LDB1: variants seen among roughly 807,000 people sequenced by gnomAD.
LDB1 encodes the protein LIM domain binding 1.
Under a neutral mutation model 49.7 loss-of-function variants are expected in LDB1, and 6 were observed. The ratio of observed to expected loss-of-function variants is 0.12; its 90% CI spans 0.07 to 0.24. The LOEUF (loss-of-function observed/expected upper bound fraction) is 0.24. LDB1 is among the 10% of genes least tolerant of loss of function. The pLI is 1.00. For missense variants in LDB1, 341 were observed against 561.7 expected (o/e 0.61, Z 3.97); for synonymous variants, 233 against 202.0 (o/e 1.15, Z -1.30).
In LDB1 at chr10:102,110,016, C is replaced by G; in HGVS notation, c.553G>C (p.Glu185Gln). Reference protein sequence around the residue: ...QVCVEGRLYLEFMFDDMMRIK... With the variant: ...QVCVEGRLYLQFMFDDMMRIK... ...CGCATCATGTCGTCAAACATGAACT[C>G]CAGGTACAACCGGCCCTCCACACAC... Residue 185 changes from glutamate (E) to glutamine (Q), a missense_variant, in exon 7 of 11, where the codon GAG becomes CAG. Physicochemically the swap from Glu to Gln is conservative, Grantham distance 29 (BLOSUM62 2). This residue lies in a region of LDB1 where 233 missense variants were observed against 385.7 expected (regional missense o/e 0.60). Coordinates refer to ENST00000673968, the MANE Select transcript of LDB1 (RefSeq NM_001113407.3). 1 of 1,613,548 alleles carries G rather than the reference C, an allele frequency of 6.2e-7. No individual in the cohort carries two copies. The highest frequency in any genetic ancestry group is 8.5e-7 in the Non-Finnish European group (1 of 1,179,898).
upstream of LDB1, chr10:102,120,447 G>T: frequency 1.0e-6 from 1 of 962,706 alleles, no homozygotes; most frequent in Non-Finnish European, 1.2e-6. Flanking sequence ...CCCCCTCTCC[G>T]CCCTCGCGCT....
At position 102,117,341 on chromosome 10, in the gene LDB1, T is replaced by A. The variant is rs1314366357; in HGVS notation, c.25+2745A>T. ...CTCCTTTCTCTGCTCTGACCAGATTTACCCAGTTGCACAGGGGCAGAACAG... is the reference window on the plus strand; with the variant it reads ...CTCCTTTCTCTGCTCTGACCAGATTAACCCAGTTGCACAGGGGCAGAACAG... On this transcript the variant is annotated intron_variant, in intron 1 of 10. Transcript: ENST00000673968. The surrounding 1 kb of genome is among the most constrained non-coding windows in gnomAD (Gnocchi z 4.2). 6.6e-6 allele frequency among the ~76,000 whole-genome samples: 1 copy of A among 152,226 alleles called. No individual in the cohort carries two copies. The highest frequency in any genetic ancestry group is 1.5e-5 in the Non-Finnish European group (1 of 68,024).
rs543732402 is a variant in LDB1 at position 102,111,370 on chromosome 10, C to T, written c.128+64G>A. ...ATTATTGGGGGCAGGGGGCTACTCC[C>T]TCCCCTTTCCAGGCAGGATCCCACC... On this transcript the variant is annotated intron_variant, in intron 2 of 10. Coordinates refer to ENST00000673968, the MANE Select transcript of LDB1 (RefSeq NM_001113407.3). 2.5e-6 allele frequency: 4 copies of T among 1,597,316 alleles called. No homozygotes were observed. In the South Asian group the frequency reaches 4.4e-5, roughly 18 times the overall value.
chr10:102,120,013 G>A, intron 1 of LDB1, 73 bp downstream of exon 1: 2 of 1,246,146 alleles, frequency 1.6e-6, no homozygotes, highest in South Asian at 3.1e-5. Context: ...ACAAGTTCTC[G>A]CCAAACACGG....
intron 1 of LDB1, among the ~76,000 whole-genome samples, chr10:102,116,269 G>A (rs2068335709): frequency 6.6e-6 from 1 of 152,102 alleles, no homozygotes; most frequent in South Asian, 2.1e-4. Flanking sequence ...GCAACCTCCA[G>A]CTCCTGGGTT....
intron 6 of LDB1, 102 bp from the exon 7 acceptor site, chr10:102,110,145 C>T (rs1429823483): frequency 7.7e-7 from 1 of 1,302,692 alleles, no homozygotes; most frequent in South Asian, 1.4e-5. Context: ...CCATTGCATA[C>T]ACTTTTGTCA....
intron 1 of LDB1, among the ~76,000 whole-genome samples, chr10:102,118,554 C>T (rs994078173): frequency 3.3e-5 from 5 of 152,228 alleles, no homozygotes; most frequent in African/African-American, 7.2e-5. Context: ...AACCTCCCAT[C>T]CACCTCCAGC....
chr10:102,120,776 G>A (rs1476511205), upstream of LDB1, among the ~76,000 whole-genome samples: 1 of 152,170 alleles, frequency 6.6e-6, no homozygotes, highest in Admixed American at 6.5e-5. Context: ...CGCCGGATGG[G>A]GAGTCTGGCT....
chr10:102,115,132 C>T (rs1368302906), intron 1 of LDB1, among the ~76,000 whole-genome samples: 1 of 152,104 alleles, frequency 6.6e-6, no homozygotes, highest in South Asian at 2.1e-4. Flanking sequence ...AAAAGAGAGA[C>T]AGAGACTGGG....
In LDB1 at chr10:102,107,801, G is replaced by A. The variant is rs1352799023; in HGVS notation, c.*292C>T. 4.3e-6 allele frequency: 2 copies of A among 470,160 alleles called. No individual in the cohort carries two copies. The highest frequency in any genetic ancestry group is 3.8e-6 in the Non-Finnish European group (1 of 260,176). The allele number at this position is 470,160 out of a possible 1,614,324, so 29.1% of individuals were successfully genotyped here. A position where few individuals can be genotyped will look rare whatever the true frequency, so the allele number is the denominator to read the frequency against. On this transcript the variant is annotated 3_prime_UTR_variant, in exon 11 of 11. Coordinates refer to ENST00000673968, the MANE Select transcript of LDB1 (RefSeq NM_001113407.3). Reference sequence around the variant, plus strand: ...ACCCACAATCTGGGGTGAAGATGGAGGCAAATGCCCTGGGGGGTGGTCAGG... The same window carrying A: ...ACCCACAATCTGGGGTGAAGATGGAAGCAAATGCCCTGGGGGGTGGTCAGG...
chr10:102,113,312 C>T (rs1464169314), intron 1 of LDB1, among the ~76,000 whole-genome samples: 1 of 152,182 alleles, frequency 6.6e-6, no homozygotes, highest in African/African-American at 2.4e-5. Flanking sequence ...ACCCTCAGCT[C>T]GCCCTAACAT....
downstream of LDB1, among the ~76,000 whole-genome samples, chr10:102,102,164 A>T (rs1208665880): frequency 6.6e-6 from 1 of 152,158 alleles, no homozygotes; most frequent in East Asian, 1.9e-4. Flanking sequence ...ACCTCAGGTG[A>T]TTCACCTGCC....
In LDB1 at chr10:102,109,519, C is replaced by T. The variant is rs754721943; in HGVS notation, c.733-12G>A. 1.5e-5 allele frequency: 25 copies of T among 1,613,854 alleles called. 2 individuals carry two copies. In the South Asian group the frequency reaches 2.4e-4, roughly 16 times the overall value. On this transcript the variant is annotated splice_polypyrimidine_tract_variant and intron_variant, in intron 8 of 10. Coordinates refer to ENST00000673968, the MANE Select transcript of LDB1 (RefSeq NM_001113407.3). The surrounding 1 kb of genome is among the most constrained non-coding windows in gnomAD (Gnocchi z 5.8). ...AGTATCACACAGAGCTAGGGGTAGA[C>T]AAGGAGGTGGCTTGTCAGGGGACAG...
chr10:102,114,812 G>GGGGGGCCCCCCCCCC, intron 1 of LDB1: 37 of 929,760 alleles, frequency 4.0e-5, no homozygotes, highest in South Asian at 9.9e-5. Context: ...CCTCCGAGCA[G>GGGGGGCCCCCCCCCC]CCCGCCCGCC....
intron 1 of LDB1, chr10:102,114,742 C>T (rs2068309627): frequency 1.2e-6 from 1 of 836,258 alleles, no homozygotes; most frequent in Non-Finnish European, 1.4e-6. Flanking sequence ...CTGCTCCGCT[C>T]TTTCCTCTCT....
rs1038866820 is a variant in LDB1 at position 102,108,145 on chromosome 10, G to A, written c.1184C>T (p.Pro395Leu). 3.1e-6 allele frequency: 5 copies of A among 1,614,142 alleles called. No homozygotes were observed. Among genetic ancestry groups the A allele is most frequent in the East Asian group, 2.2e-5 (1 of 44,890 alleles). Residue 395 changes from proline (P) to leucine (L), a missense_variant, in exon 11 of 11, where the codon CCG (proline) becomes CTG (leucine). Physicochemically the swap from Pro to Leu is moderately conservative, Grantham distance 98. Coordinates refer to ENST00000673968, the MANE Select transcript of LDB1 (RefSeq NM_001113407.3). ...GANSPWNSKP[P>L]SSQESKSENP... Reference sequence around the variant, plus strand: ...CTCCGATTTGCTTTCTTGGCTGGACGGAGGCTTGCTGTTCCAGGGGCTGTT... The same window carrying A: ...CTCCGATTTGCTTTCTTGGCTGGACAGAGGCTTGCTGTTCCAGGGGCTGTT...
At chr10:102,110,802 C>G (rs2068241222) in intron 5 of LDB1, 67 bp downstream of exon 5, 2 of 1,580,870 alleles carry the variant, frequency 1.3e-6, no homozygotes, top group African/African-American at 2.7e-5. Context: ...CTCCCAGACC[C>G]ACTTCTAGAC....
At position 102,109,337 on chromosome 10, in the gene LDB1, T is replaced by C. The variant is rs1219370502; in HGVS notation, c.856+47A>G. 1 of 1,612,276 alleles carries C rather than the reference T, an allele frequency of 6.2e-7. No individual in the cohort carries two copies. Among genetic ancestry groups the C allele is most frequent in the South Asian group, 1.1e-5 (1 of 90,964 alleles). On this transcript the variant is annotated intron_variant, in intron 9 of 10. Coordinates refer to ENST00000673968, the MANE Select transcript of LDB1 (RefSeq NM_001113407.3). This position sits in a 1 kb window ranked among gnomAD's most constrained non-coding sequence, Gnocchi z 5.8. The stretch of plus-strand genomic sequence containing the variant: ...TCAAAAGGAAATAAAGATACAGCTT[T>C]GGGGAGCGGTGTGAGATCCTGGTAA...
rs990818769 is a variant in LDB1, at chr10:102,117,550, T to A, written c.25+2536A>T. ...CAGCACTGCCCCCTGCCCGGGCCCC[T>A]GGGGCTCCCTGACCCAGGCCTCCAG... On this transcript the variant is annotated intron_variant, in intron 1 of 10. Coordinates refer to ENST00000673968, the MANE Select transcript of LDB1 (RefSeq NM_001113407.3). The surrounding 1 kb of genome is among the most constrained non-coding windows in gnomAD (Gnocchi z 4.2). Among the ~76,000 whole-genome samples the A allele has an allele frequency of 3.3e-5, 5 of 152,034 alleles. No individual in the cohort carries two copies. The highest frequency in any genetic ancestry group is 2.0e-4 in the Admixed American group (3 of 15,260).
Sources: allele counts gnomAD v4.1 joint callset (sites outside exome capture counted in the v4.1 genomes callset), GRCh38; gene constraint gnomAD v4.1.1; regional missense constraint gnomAD v4.1.1; non-coding constraint Gnocchi (gnomAD v3.1); transcripts MANE v1.5; gene names NCBI Gene and HGNC (gene_info 2026-07-23, HGNC 2026-07-21).